CYB5RL: variants seen among roughly 807,000 people sequenced by gnomAD.
CYB5RL encodes cytochrome b5 reductase like, also known as NADH-cytochrome b5 reductase-like.
In CYB5RL, 38 loss-of-function variants were observed where a neutral mutation model predicts 37.5. The observed-to-expected ratio is 1.01, with a 90% CI of 0.78 to 1.33. The LOEUF is 1.33. Among genes scored for constraint, CYB5RL ranks in the 40% most tolerant of loss-of-function variants. CYB5RL has a pLI of 0.00. For synonymous variants in CYB5RL, 141 were observed against 151.9 expected, an observed-to-expected ratio of 0.93 and a Z score of 0.53; for missense variants, 388 against 394.4, an observed-to-expected ratio of 0.98 and a Z score of 0.14.
chr1:54,187,378 C>T (rs1404405642), intron 5 of CYB5RL, among the ~76,000 whole-genome samples: 1 of 152,198 alleles, frequency 6.6e-6, no homozygotes, highest in African/African-American at 2.4e-5. Flanking sequence ...CTCAAATGCC[C>T]CGGTTCTGCC....
At chr1:54,175,147 G>T (rs1444688914) in intron 7 of CYB5RL, among the ~76,000 whole-genome samples, 1 of 152,218 alleles carries the variant, frequency 6.6e-6, no homozygotes, top group Non-Finnish European at 1.5e-5. Flanking sequence ...CTGTGGGACG[G>T]ATGTTTTCTC....
intron 5 of CYB5RL, chr1:54,185,856 G>A (rs1231161304): frequency 2.0e-5 from 3 of 152,436 alleles, no homozygotes; most frequent in Non-Finnish European, 2.9e-5. Context: ...TGTTGTGGGA[G>A]GGACCCAGTG....
chr1:54,189,103 A>C (rs1182936597), intron 4 of CYB5RL, among the ~76,000 whole-genome samples: 2 of 152,146 alleles, frequency 1.3e-5, no homozygotes, highest in African/African-American at 2.4e-5. Flanking sequence ...GAATCACTTG[A>C]ACCTGGGAGG....
In CYB5RL at chr1:54,190,765, G is replaced by C. The variant is rs922358840; in HGVS notation, c.330C>G (p.Gly110=). The change falls in exon 4 of 8, where the codon GGC becomes GGG. Residue 110 remains glycine (G), a synonymous_variant. Coordinates refer to ENST00000534324, the MANE Select transcript of CYB5RL (RefSeq NM_001031672.4). Reference sequence around the variant, plus strand: ...GAGTGTACCGTAGGATGAGGTGCTGGCCGGGCCGCAGGCCAAGCTGGCTGT... The same window carrying C: ...GAGTGTACCGTAGGATGAGGTGCTGCCCGGGCCGCAGGCCAAGCTGGCTGT... ...PGNSQLGLRP[G]QHLILRGIVD... 6.4e-7 allele frequency: 1 copy of C among 1,554,476 alleles called. No individual in the cohort carries two copies. The highest frequency in any genetic ancestry group is 1.2e-5 in the South Asian group (1 of 84,192).
At chr1:54,188,666 C>T (rs1643923924) in intron 4 of CYB5RL, among the ~76,000 whole-genome samples, 1 of 152,194 alleles carries the variant, frequency 6.6e-6, no homozygotes, top group African/African-American at 2.4e-5. Flanking sequence ...GAATCCAGTG[C>T]TTAGAGAAGG....
intron 1 of CYB5RL, among the ~76,000 whole-genome samples, chr1:54,199,497 C>T (rs1644054915): frequency 6.6e-6 from 1 of 152,240 alleles, no homozygotes; most frequent in Non-Finnish European, 1.5e-5. Flanking sequence ...TCCCACTAAA[C>T]TGTAAGCTCT....
At chr1:54,180,838 AG>A (rs1206129966) in intron 6 of CYB5RL, among the ~76,000 whole-genome samples, 3 of 152,126 alleles carry the variant, frequency 2.0e-5, no homozygotes, top group Non-Finnish European at 4.4e-5. Flanking sequence ...AACTGTTACC[AG>A]GATTAAATGA....
chr1:54,183,735 G>T (rs1379677236), intron 6 of CYB5RL, among the ~76,000 whole-genome samples: 1 of 152,170 alleles, frequency 6.6e-6, no homozygotes, highest in Non-Finnish European at 1.5e-5. Flanking sequence ...CAGCACTTTG[G>T]GAGGCTGAGG....
At chr1:54,197,642 G>T (rs938980213) in intron 1 of CYB5RL, among the ~76,000 whole-genome samples, 1 of 152,122 alleles carries the variant, frequency 6.6e-6, no homozygotes, top group Non-Finnish European at 1.5e-5. Flanking sequence ...ATGCTAATCC[G>T]ACTTCAGTGA....
chr1:54,184,098 G>C (rs1462958170), intron 6 of CYB5RL, 63 bp downstream of exon 6: 2 of 1,440,602 alleles, frequency 1.4e-6, no homozygotes, highest in Non-Finnish European at 9.6e-7. Context: ...AGATGCTATG[G>C]GCCGAAACAT....
chr1:54,184,351 T>C, intron 5 of CYB5RL, 86 bp from the exon 6 acceptor site: 1 of 1,141,128 alleles, frequency 8.8e-7, no homozygotes, highest in Non-Finnish European at 1.3e-6. Context: ...GAGCCCGTTC[T>C]GTATGCTAAG....
chr1:54,186,393 T>C (rs781733893), intron 5 of CYB5RL: 2 of 152,220 alleles, frequency 1.3e-5, no homozygotes, highest in Non-Finnish European at 2.9e-5. Flanking sequence ...AGAAGGTGTC[T>C]GAGAAATGGG....
chr1:54,197,343 TC>T (rs1290540859), intron 1 of CYB5RL, among the ~76,000 whole-genome samples: 1 of 135,276 alleles, frequency 7.4e-6, no homozygotes, highest in Non-Finnish European at 1.5e-5. Context: ...TGAGACAGAG[TC>T]TCACTCTGTT....
At position 54,173,097 on chromosome 1, in the gene CYB5RL, C is replaced by A. The variant is rs2100452489; in HGVS notation, c.*1522G>T. The A allele has an allele frequency of 6.6e-6, 1 of 152,320 alleles. No individual in the cohort carries two copies. The highest frequency in any genetic ancestry group is 1.5e-5 in the Non-Finnish European group (1 of 68,028). The allele number at this position is 152,320 out of a possible 1,614,324, so 9.4% of individuals were successfully genotyped here. Reference sequence around the variant, plus strand: ...TGTGCCCGTGCTTCTGGAAGAAGGTCACACACAGTACTCCATGCTCTCTGA... The same window carrying A: ...TGTGCCCGTGCTTCTGGAAGAAGGTAACACACAGTACTCCATGCTCTCTGA... On this transcript the variant is annotated 3_prime_UTR_variant, in exon 8 of 8. Transcript: ENST00000534324.
chr1:54,179,221 G>A lies in CYB5RL; in HGVS notation c.672C>T (p.Ser224=), dbSNP rs903601600. 6.2e-7 allele frequency: 1 copy of A among 1,613,764 alleles called. No homozygotes were observed. The highest frequency in any genetic ancestry group is 1.3e-5 in the African/African-American group (1 of 75,044). The change falls in exon 7 of 8, where the codon AGC becomes AGT. Residue 224 remains serine, a synonymous_variant. Transcript: ENST00000534324. ...TLVGCFKTFE[S]IYLKTFLQEQ... is the part of the protein sequence containing the mutation. Reference sequence around the variant, plus strand: ...CTTGGAGGAAGGTTTTCAGGTAGATGCTCTCAAAGGTCTTGAAGCAACCGA... The same window carrying A: ...CTTGGAGGAAGGTTTTCAGGTAGATACTCTCAAAGGTCTTGAAGCAACCGA...
rs575486117 is a variant in CYB5RL, at chr1:54,198,027, CAAAAA to C, written c.-222-1541_-222-1537del. On this transcript the variant is annotated intron_variant, in intron 1 of 7. Coordinates refer to ENST00000534324, the MANE Select transcript of CYB5RL (RefSeq NM_001031672.4). ...TGGGTGACAGAGTGAGACTCTGTCTCAAAAAAAAAAAAAAAAAAAAAAAAAAAAAG... is the reference window on the plus strand; with the variant it reads ...TGGGTGACAGAGTGAGACTCTGTCTCAAAAAAAAAAAAAAAAAAAAAAAAG... 1.0e-4 allele frequency among the ~76,000 whole-genome samples: 8 copies of C among 78,526 alleles called. No homozygotes were observed. In the East Asian group the frequency reaches 1.8e-3, roughly 18 times the overall value. The allele number at this position is 78,526 out of a possible 152,430, so 51.5% of individuals were successfully genotyped here. A position where few individuals can be genotyped will look rare whatever the true frequency, so the allele number is the denominator to read the frequency against.
intron 7 of CYB5RL, chr1:54,175,599 A>G: frequency 2.4e-6 from 1 of 412,752 alleles, no homozygotes; most frequent in Non-Finnish European, 5.0e-6. Flanking sequence ...AAAGTATACA[A>G]ATCATTAAGT....
At chr1:54,180,253 G>T in intron 6 of CYB5RL, 1 of 331,476 alleles carries the variant, frequency 3.0e-6, no homozygotes, top group South Asian at 2.1e-5. Flanking sequence ...AAAAAAAAAA[G>T]GTGAGTTCCC....
In CYB5RL at chr1:54,190,889, G is replaced by A; in HGVS notation, c.206C>T (p.Pro69Leu). ...LLRGPESQSC[P>L]SKLNPETFVA... ...GAAGGTCTCTGGGTTCAGCTTGGAG[G>A]GGCAGCTCTGCAACAGGAAGAGATC... The change falls in exon 4 of 8, where the codon CCC (proline) becomes CTC (leucine). Residue 69 changes from proline to leucine, a missense_variant. Coordinates refer to ENST00000534324, the MANE Select transcript of CYB5RL (RefSeq NM_001031672.4). 1.9e-6 allele frequency: 3 copies of A among 1,611,518 alleles called. No individual in the cohort carries two copies. Among genetic ancestry groups the A allele is most frequent in the Non-Finnish European group, 2.5e-6 (3 of 1,179,232 alleles).
Sources: gnomAD v4.1 joint callset for allele counts (sites outside exome capture counted in the v4.1 genomes callset) on GRCh38, gnomAD v4.1.1 for gene constraint, MANE v1.5 for transcripts, NCBI Gene and HGNC (gene_info 2026-07-23, HGNC 2026-07-21) for gene names.